Variants in CDYL observed in about 807,000 individuals in gnomAD.
CDYL encodes the protein chromodomain Y like.
CDYL carries 8 observed loss-of-function variants against 47.3 expected under a neutral mutation model. The observed-to-expected ratio is 0.17, with a 90% CI of 0.10 to 0.31. The LOEUF is 0.31. CDYL is among the 10% of genes least tolerant of loss of function. CDYL has a pLI of 1.00. For synonymous variants in CDYL, 266 were observed against 265.0 expected, an observed-to-expected ratio of 1.00 and a Z score of -0.04; for missense variants, 471 against 701.4, an observed-to-expected ratio of 0.67 and a Z score of 3.71.
intron 1 of CDYL, among the ~76,000 whole-genome samples, chr6:4,866,511 A>T (rs1050238839): frequency 6.6e-6 from 1 of 152,128 alleles, no homozygotes; most frequent in Admixed American, 6.5e-5. Flanking sequence ...GTTCTCACTT[A>T]ACGTCATCAA....
intron 1 of CDYL, among the ~76,000 whole-genome samples, chr6:4,876,560 C>T (rs1019379677): frequency 6.6e-6 from 1 of 152,098 alleles, no homozygotes; most frequent in Admixed American, 6.6e-5. Flanking sequence ...TTGCATTTCC[C>T]TCATGAACGG....
rs553907973 is a variant in CDYL, at chr6:4,810,161, C to T, written c.24+33354C>T. ...TGCCTTTATGACTCGCCCTTGCCTA[C>T]GGGATAATGACATAATGCATAGTTG... On this transcript the variant is annotated intron_variant, in intron 1 of 6. Transcript: ENST00000397588. Among the ~76,000 whole-genome samples the T allele has an allele frequency of 2.7e-4, 41 of 152,196 alleles. No homozygotes were observed. In the South Asian group the frequency reaches 6.8e-3, roughly 25 times the overall value.
intron 1 of CDYL, among the ~76,000 whole-genome samples, chr6:4,707,922 A>G (rs111291459): frequency 0.028 from 4,199 of 152,160 alleles, 65 homozygotes; most frequent in Middle Eastern, 0.051. Context: ...TTTAGTCCAA[A>G]TGTTATTTAA....
chr6:4,901,419 G>A (rs1757050263), intron 2 of CDYL, among the ~76,000 whole-genome samples: 1 of 152,162 alleles, frequency 6.6e-6, no homozygotes, highest in South Asian at 2.1e-4. Context: ...GTACCTTAAG[G>A]TTGGGAGCAG....
intron 1 of CDYL, among the ~76,000 whole-genome samples, chr6:4,875,570 A>G (rs1016440598): frequency 6.6e-6 from 1 of 152,188 alleles, no homozygotes; most frequent in Non-Finnish European, 1.5e-5. Context: ...TTAAAACCTC[A>G]CTTTCAGTTT....
intron 3 of CDYL, among the ~76,000 whole-genome samples, chr6:4,744,506 A>C (rs943905809): frequency 4.1e-5 from 6 of 147,090 alleles, no homozygotes; most frequent in Non-Finnish European, 9.1e-5. Flanking sequence ...AAAAAAAAAA[A>C]TTGCCAAATT....
chr6:4,786,119 G>T (rs1237189446), intron 1 of CDYL, among the ~76,000 whole-genome samples: 1 of 152,188 alleles, frequency 6.6e-6, no homozygotes, highest in Non-Finnish European at 1.5e-5. Context: ...TCTCCAGACG[G>T]CAGAGGAGTC....
At chr6:4,791,618 C>G (rs575467851) in intron 1 of CDYL, among the ~76,000 whole-genome samples, 2 of 152,158 alleles carry the variant, frequency 1.3e-5, no homozygotes, top group Admixed American at 1.3e-4. Context: ...CTCTGAATTT[C>G]TAGCATTTAC....
intron 2 of CDYL, chr6:4,733,159 G>A (rs899280059): frequency 6.6e-6 from 1 of 152,188 alleles, no homozygotes; most frequent in African/African-American, 2.4e-5. Context: ...CCTTCCCCAG[G>A]GCCTGAGCAG....
At chr6:4,883,648 T>A (rs2127479384) in intron 1 of CDYL, among the ~76,000 whole-genome samples, 1 of 152,314 alleles carries the variant, frequency 6.6e-6, no homozygotes, top group South Asian at 2.1e-4. Flanking sequence ...TGAACTGAGC[T>A]GTAGACCTTT....
intron 2 of CDYL, among the ~76,000 whole-genome samples, chr6:4,904,252 C>T (rs1422138969): frequency 6.6e-6 from 1 of 152,160 alleles, no homozygotes; most frequent in Non-Finnish European, 1.5e-5. Context: ...GTGATGACAC[C>T]GAATGAATGA....
chr6:4,828,252 C>CCT (rs1760035379), intron 1 of CDYL, among the ~76,000 whole-genome samples: 1 of 79,134 alleles, frequency 1.3e-5, no homozygotes, highest in African/African-American at 4.4e-5. Flanking sequence ...TAACTTTCAG[C>CCT]TTTTTTTTTT....
chr6:4,714,359 A>C (rs1038805057), intron 1 of CDYL: 7 of 152,038 alleles, frequency 4.6e-5, no homozygotes, highest in African/African-American at 1.7e-4. Context: ...TACTTAGGAG[A>C]AGTTAACCTT....
intron 2 of CDYL, among the ~76,000 whole-genome samples, chr6:4,722,348 A>G (rs766197955): frequency 1.3e-5 from 2 of 151,990 alleles, no homozygotes; most frequent in Admixed American, 6.6e-5. Context: ...GGCTTAAGGT[A>G]AAGAGTTCGA....
intron 1 of CDYL, among the ~76,000 whole-genome samples, chr6:4,807,899 G>C (rs1044978457): frequency 6.6e-6 from 1 of 151,940 alleles, no homozygotes; most frequent in Admixed American, 6.6e-5. Flanking sequence ...GAGCCACCGC[G>C]CCGGGCTCAT....
At position 4,817,421 on chromosome 6, in the gene CDYL, A is replaced by G. The variant is rs562672252; in HGVS notation, c.24+40614A>G. Among the ~76,000 whole-genome samples, 16 of 149,382 alleles carry G rather than the reference A, an allele frequency of 1.1e-4. No homozygotes were observed. The South Asian group carries it at 2.8e-3, about 26-fold the overall frequency. On this transcript the variant is annotated intron_variant, in intron 1 of 6. Coordinates refer to ENST00000397588, the MANE Select transcript of CDYL (RefSeq NM_004824.4). ...TGGCTTTTGTCAGAGCCAGCTACTC[A>G]CTCCCACCGGCAGTACCTGAGTGAC...
intron 1 of CDYL, among the ~76,000 whole-genome samples, chr6:4,852,011 G>A (rs1380291754): frequency 6.6e-6 from 1 of 152,108 alleles, no homozygotes; most frequent in Non-Finnish European, 1.5e-5. Context: ...CTTCTTGGTG[G>A]TGTGTGTAAT....
At position 4,929,219 on chromosome 6, in the gene CDYL, T is replaced by C. The variant is rs182022001; in HGVS notation, c.692-6296T>C. Among the ~76,000 whole-genome samples the C allele has an allele frequency of 1.8e-4, 28 of 152,254 alleles. No individual in the cohort carries two copies. The East Asian group carries it at 5.0e-3, about 27-fold the overall frequency. On this transcript the variant is annotated intron_variant, in intron 2 of 6. Transcript: ENST00000397588. The stretch of plus-strand genomic sequence containing the variant: ...TTATGCTGCATTTGTGCTGTGTATA[T>C]AGGTTGGCTTTTTTTTTTCTCTTCA...
At chr6:4,819,235 A>G in intron 1 of CDYL, among the ~76,000 whole-genome samples, 1 of 146,638 alleles carries the variant, frequency 6.8e-6, no homozygotes, top group Admixed American at 7.0e-5. Flanking sequence ...ATTTATGTGC[A>G]TTGGATTTAA....
Sources: gnomAD v4.1 joint callset for allele counts (sites outside exome capture counted in the v4.1 genomes callset) on GRCh38, gnomAD v4.1.1 for gene constraint, MANE v1.5 for transcripts, NCBI Gene and HGNC (gene_info 2026-07-23, HGNC 2026-07-21) for gene names.